MROH7: variants seen among roughly 807,000 people sequenced by gnomAD.
MROH7 encodes maestro heat like repeat family member 7, also known as maestro heat-like repeat-containing protein family member 7.
In MROH7, 113 loss-of-function variants were observed where a neutral mutation model predicts 129.2. The observed-to-expected ratio is 0.87, with a 90% confidence interval of 0.75 to 1.02. The LOEUF (loss-of-function observed/expected upper bound fraction) is 1.02, where lower values mean the gene tolerates loss of function less well. MROH7 is among the 50% of genes least tolerant of loss of function. The pLI is 0.00. For synonymous variants in MROH7, 655 were observed against 667.9 expected, an observed-to-expected ratio of 0.98 and a Z score of 0.30; for missense variants, 1,601 against 1,671.3, an observed-to-expected ratio of 0.96 and a Z score of 0.73.
At position 54,709,056 on chromosome 1, in the gene MROH7, G is replaced by C; in HGVS notation, c.3710G>C (p.Arg1237Pro). Residue 1237 changes from arginine to proline, a missense_variant, in exon 23 of 24, where the codon CGT becomes CCT. Transcript: ENST00000421030. ...PCMESIMTED[R>P]LNEVKAALDN... Reference sequence around the variant, plus strand: ...ATGGAGAGCATAATGACAGAAGATCGTCTGAATGAAGTGAAAGCTGGTAAG... The same window carrying C: ...ATGGAGAGCATAATGACAGAAGATCCTCTGAATGAAGTGAAAGCTGGTAAG... 6.2e-7 allele frequency: 1 copy of C among 1,614,194 alleles called. No individual in the cohort carries two copies. Among genetic ancestry groups the C allele is most frequent in the Non-Finnish European group, 8.5e-7 (1 of 1,180,016 alleles).
chr1:54,708,211 G>A (rs950111332), intron 22 of MROH7, among the ~76,000 whole-genome samples: 1 of 152,096 alleles, frequency 6.6e-6, no homozygotes, highest in Non-Finnish European at 1.5e-5. Flanking sequence ...TTAAGGGCAG[G>A]AATTTGAGAG....
chr1:54,695,725 C>T (rs931076310), intron 17 of MROH7: 1 of 564,396 alleles, frequency 1.8e-6, no homozygotes, highest in African/African-American at 1.9e-5. Flanking sequence ...AACCACCAAC[C>T]TTTGCTGGGC....
chr1:54,648,103 C>T (rs1046966513), intron 1 of MROH7, among the ~76,000 whole-genome samples: 1 of 151,316 alleles, frequency 6.6e-6, no homozygotes, highest in East Asian at 1.9e-4. Flanking sequence ...AGGCTGGTCT[C>T]GAACTCCTGG....
chr1:54,676,276 C>T (rs1170276014), intron 10 of MROH7, among the ~76,000 whole-genome samples: 1 of 152,134 alleles, frequency 6.6e-6, no homozygotes, highest in Non-Finnish European at 1.5e-5. Flanking sequence ...CTTGCTCTGT[C>T]ATCCAGGCTG....
chr1:54,654,692 A>G (rs1340727035), intron 3 of MROH7, among the ~76,000 whole-genome samples: 1 of 150,194 alleles, frequency 6.7e-6, no homozygotes, highest in African/African-American at 2.5e-5. Context: ...AAAAAAAATC[A>G]CTGTATAATA....
At chr1:54,696,836 T>G (rs867235175) in intron 17 of MROH7, among the ~76,000 whole-genome samples, 54 of 151,992 alleles carry the variant, frequency 3.6e-4, no homozygotes, top group Middle Eastern at 3.4e-3. Flanking sequence ...CATGTCCAGC[T>G]AATTTTTGTA....
In MROH7 at chr1:54,700,430, G is replaced by T; in HGVS notation, c.3074G>T (p.Gly1025Val). 6.2e-7 allele frequency: 1 copy of T among 1,608,834 alleles called. No individual in the cohort carries two copies. Among genetic ancestry groups the T allele is most frequent in the African/African-American group, 1.3e-5 (1 of 74,986 alleles). Residue 1025 changes from glycine (G) to valine (V), a missense_variant, in exon 18 of 24, where the codon GGC becomes GTC. Transcript: ENST00000421030. Reference protein sequence around the residue: ...DPIMKVLSIRGLVILARRSEK... With the variant: ...DPIMKVLSIRVLVILARRSEK... Reference sequence around the variant, plus strand: ...ATCATGAAGGTGCTGTCCATTCGAGGCCTGGTCATCCTGGCCCGCAGGTCT... The same window carrying T: ...ATCATGAAGGTGCTGTCCATTCGAGTCCTGGTCATCCTGGCCCGCAGGTCT...
At chr1:54,695,669 C>A in intron 17 of MROH7, 179 bp downstream of exon 17, 2 of 661,498 alleles carry the variant, frequency 3.0e-6, no homozygotes, top group Non-Finnish European at 5.6e-6. Context: ...GTCTCTCCAC[C>A]CTTTACTCCA....
chr1:54,656,691 C>A (rs114013596), intron 3 of MROH7, among the ~76,000 whole-genome samples: 1 of 151,426 alleles, frequency 6.6e-6, no homozygotes, highest in Non-Finnish European at 1.5e-5. Flanking sequence ...ATGTGGTGGC[C>A]GGGGCCTGTA....
Position 54,692,971 on chromosome 1 carries a change from T to C in MROH7, c.2849+410T>C, listed in dbSNP as rs80247464. Among the ~76,000 whole-genome samples, 523 of 152,236 alleles carry C rather than the reference T, an allele frequency of 3.4e-3. 13 individuals are homozygous for C. The East Asian group carries it at 0.063, about 18-fold the overall frequency. ...AAGTTACTTCCCTCTGAGTCTCCAC[T>C]TTCCTTCAATAGCATGGAAATAATA... On this transcript the variant is annotated intron_variant, in intron 16 of 23. Coordinates refer to ENST00000421030, the MANE Select transcript of MROH7 (RefSeq NM_001039464.4).
Position 54,654,085 on chromosome 1 carries a change from C to T in MROH7, c.1159C>T (p.Gln387Ter). 6.2e-7 allele frequency: 1 copy of T among 1,614,020 alleles called. No homozygotes were observed. The highest frequency in any genetic ancestry group is 8.5e-7 in the Non-Finnish European group (1 of 1,179,964). Residue 387 changes from glutamine to a stop codon, truncating the protein, a stop_gained, in exon 3 of 24, where the codon CAG (glutamine) becomes TAG (stop). Coordinates refer to ENST00000421030, the MANE Select transcript of MROH7 (RefSeq NM_001039464.4). LOFTEE classifies it high-confidence loss of function. Reference protein sequence around the residue: ...WSEMASIKVGQFPLGFPISNP... With the variant: ...WSEMASIKVG ...TGAGATGGCCAGCATTAAGGTGGGC[C>T]AGTTCCCGCTGGGATTCCCCATCTC...
At chr1:54,707,718 A>C (rs139732353) in intron 22 of MROH7, among the ~76,000 whole-genome samples, 3,422 of 152,306 alleles carry the variant, frequency 0.022, 66 homozygotes, top group Non-Finnish European at 0.035. Context: ...AAACATAGTG[A>C]GTAGAGCCTT....
At position 54,656,789 on chromosome 1, in the gene MROH7, C is replaced by T. The variant is rs527369557; in HGVS notation, c.1231+2632C>T. Among the ~76,000 whole-genome samples, 35 of 151,792 alleles carry T rather than the reference C, an allele frequency of 2.3e-4. No homozygotes were observed. In the South Asian group the frequency reaches 4.6e-3, roughly 20 times the overall value. On this transcript the variant is annotated intron_variant, in intron 3 of 23. Coordinates refer to ENST00000421030, the MANE Select transcript of MROH7 (RefSeq NM_001039464.4). ...TCGTGCCACTACATTCCAGCCTGGG[C>T]GACACAGCGGGACTCTGTCTCAAAA...
rs763488354 is a variant in MROH7, at chr1:54,654,036, G to A, written c.1110G>A (p.Leu370=). The A allele has an allele frequency of 6.2e-7, 1 of 1,614,220 alleles. No homozygotes were observed. Among genetic ancestry groups the A allele is most frequent in the South Asian group, 1.1e-5 (1 of 91,086 alleles). The change falls in exon 3 of 24, where the codon CTG becomes CTA. Residue 370 remains leucine (L), a synonymous_variant. Coordinates refer to ENST00000421030, the MANE Select transcript of MROH7 (RefSeq NM_001039464.4). ...AKDNSIHTVP[L]EENLESWSEM... ...ACAACAGCATCCACACTGTGCCCCTGGAGGAGAATCTGGAGAGTTGGAGTG... is the reference window on the plus strand; with the variant it reads ...ACAACAGCATCCACACTGTGCCCCTAGAGGAGAATCTGGAGAGTTGGAGTG...
Position 54,688,233 on chromosome 1 carries a change from T to A in MROH7, c.2711+1785T>A, listed in dbSNP as rs867754339. On this transcript the variant is annotated intron_variant, in intron 15 of 23. Coordinates refer to ENST00000421030, the MANE Select transcript of MROH7 (RefSeq NM_001039464.4). ...AGACTCCGTCTCAAAAAAAAAAAAA[T>A]TTTTTTTTTTTTTTTTTGTTAGAGA... is the stretch of plus-strand genomic sequence containing the variant. Among the ~76,000 whole-genome samples, 549 of 106,204 alleles carry A rather than the reference T, an allele frequency of 5.2e-3. 2 individuals carry two copies. The highest frequency in any genetic ancestry group is 0.025 in the African/African-American group (516 of 21,016). The allele number at this position is 106,204 out of a possible 152,430, so 69.7% of individuals were successfully genotyped here.
At chr1:54,663,717 C>A (rs763665000) in intron 3 of MROH7, 1 of 391,602 alleles carries the variant, frequency 2.6e-6, no homozygotes, top group Non-Finnish European at 4.9e-6. Context: ...AAAAAACAAG[C>A]TTTTGTGTCC....
At position 54,699,994 on chromosome 1, in the gene MROH7, A is replaced by G. The variant is rs991914291; in HGVS notation, c.2965-327A>G. ...CAGCCTGGGTAGTTCAGAGAACAGG[A>G]GACAGCTTGGTTGGAAGCTGGCTGG... On this transcript the variant is annotated intron_variant, in intron 17 of 23. Transcript: ENST00000421030. The G allele has an allele frequency of 9.5e-6, 6 of 629,410 alleles. No homozygotes were observed. The African/African-American group carries it at 1.1e-4, about 12-fold the overall frequency. The allele number at this position is 629,410 out of a possible 1,614,324, so 39.0% of individuals were successfully genotyped here.
rs768372720 is a variant in MROH7 at position 54,702,192 on chromosome 1, A to T, written c.3388A>T (p.Thr1130Ser). 6.3e-7 allele frequency: 1 copy of T among 1,599,246 alleles called. No homozygotes were observed. The highest frequency in any genetic ancestry group is 1.3e-5 in the African/African-American group (1 of 74,580). The change falls in exon 20 of 24, where the codon ACC (threonine) becomes TCC (serine). Residue 1130 changes from threonine to serine, a missense_variant. Transcript: ENST00000421030. ...GGCCATGGAGGAGCAGCTGGTCAGC[A>T]CCTTGGTGCCCCTACTGCTGACCAT... ...TQAMEEQLVS[T>S]LVPLLLTMQE...
At chr1:54,688,724 C>A (rs527689067) in intron 15 of MROH7, among the ~76,000 whole-genome samples, 185 of 152,364 alleles carry the variant, frequency 1.2e-3, no homozygotes, top group Non-Finnish European at 1.9e-3. Context: ...TCCCATTCCC[C>A]TCCTGCTCAT....
Sources: gnomAD v4.1 joint callset for allele counts (sites outside exome capture counted in the v4.1 genomes callset) on GRCh38, gnomAD v4.1.1 for gene constraint, MANE v1.5 for transcripts, NCBI Gene and HGNC (gene_info 2026-07-23, HGNC 2026-07-21) for gene names.